GALNT10: variants seen among roughly 807,000 people sequenced by gnomAD.
The protein encoded by GALNT10 is GalNAc transferase 10.
GALNT10 carries 41 observed loss-of-function variants against 75.0 expected under a neutral mutation model. The ratio of observed to expected loss-of-function variants is 0.55; its 90% CI spans 0.43 to 0.71. The LOEUF (loss-of-function observed/expected upper bound fraction) is 0.71. GALNT10 is among the 30% of genes least tolerant of loss of function. The pLI, the probability that GALNT10 is intolerant of heterozygous loss-of-function variation, is 0.00. For missense variants in GALNT10, 727 were observed against 818.5 expected, an observed-to-expected ratio of 0.89 and a Z score of 1.36; for synonymous variants, 302 against 313.0, an observed-to-expected ratio of 0.96 and a Z score of 0.37.
intron 6 of GALNT10, among the ~76,000 whole-genome samples, chr5:154,383,988 G>A (rs1755772221): frequency 6.6e-6 from 1 of 152,160 alleles, no homozygotes; most frequent in Non-Finnish European, 1.5e-5. Flanking sequence ...GGCAGAGGGG[G>A]AAGCAAACAC....
intron 3 of GALNT10, among the ~76,000 whole-genome samples, chr5:154,302,678 T>C (rs556889019): frequency 6.6e-6 from 1 of 152,350 alleles, no homozygotes; most frequent in East Asian, 1.9e-4. Context: ...TTCCATAGTT[T>C]TAGCTTCACA....
intron 1 of GALNT10, among the ~76,000 whole-genome samples, chr5:154,270,991 CAA>C (rs5872366): frequency 1.7e-3 from 129 of 76,098 alleles, no homozygotes; most frequent in African/African-American, 3.7e-3. Flanking sequence ...GATTCCATCT[CAA>C]AAAAAAAAAA....
At chr5:154,247,363 T>C (rs6879941) in intron 1 of GALNT10, among the ~76,000 whole-genome samples, 4 of 152,182 alleles carry the variant, frequency 2.6e-5, no homozygotes, top group African/African-American at 9.7e-5. Context: ...ATTGGTAGCT[T>C]GATGGGGATG....
At chr5:154,400,620 A>G (rs1756142506) in intron 7 of GALNT10, among the ~76,000 whole-genome samples, 1 of 152,216 alleles carries the variant, frequency 6.6e-6, no homozygotes, top group African/African-American at 2.4e-5. Flanking sequence ...AGATTAGACC[A>G]GGGACATAAT....
intron 6 of GALNT10, among the ~76,000 whole-genome samples, chr5:154,383,531 G>C (rs1688018123): frequency 6.6e-6 from 1 of 152,226 alleles, no homozygotes; most frequent in Non-Finnish European, 1.5e-5. Flanking sequence ...GCAGAAACCA[G>C]AACAGGCTGG....
chr5:154,226,010 C>T (rs1753058654), intron 1 of GALNT10, among the ~76,000 whole-genome samples: 1 of 151,858 alleles, frequency 6.6e-6, no homozygotes, highest in Non-Finnish European at 1.5e-5. Flanking sequence ...GGAGGGATAG[C>T]ATTAGGAGAT....
At chr5:154,269,175 G>C (rs564970497) in intron 1 of GALNT10, among the ~76,000 whole-genome samples, 25 of 151,562 alleles carry the variant, frequency 1.6e-4, no homozygotes, top group African/African-American at 6.1e-4. Context: ...TAGTAGAGAC[G>C]GGGTTTCACC....
Position 154,409,377 on chromosome 5 carries a change from G to A in GALNT10, c.1165-164G>A. ...GTGAAGCCCTTAAAACATGCATAAT[G>A]ATAAATAGAAACACAGAAGGCCTAA... is the stretch of plus-strand genomic sequence containing the variant. On this transcript the variant is annotated intron_variant, in intron 8 of 11. Transcript: ENST00000297107. The surrounding 1 kb of genome is among the most constrained non-coding windows in gnomAD (Gnocchi z 4.5). 1.4e-6 allele frequency: 1 copy of A among 691,330 alleles called. No individual in the cohort carries two copies. Among genetic ancestry groups the A allele is most frequent in the Non-Finnish European group, 2.6e-6 (1 of 381,392 alleles). The allele number at this position is 691,330 out of a possible 1,614,324, so 42.8% of individuals were successfully genotyped here.
chr5:154,404,328 T>C (rs1291183973), intron 8 of GALNT10, 117 bp downstream of exon 8: 1 of 595,320 alleles, frequency 1.7e-6, no homozygotes, highest in Non-Finnish European at 3.0e-6. Flanking sequence ...AGGATGTGCC[T>C]CCCATTCTCC....
intron 6 of GALNT10, among the ~76,000 whole-genome samples, chr5:154,385,288 C>CG: frequency 6.6e-6 from 1 of 152,202 alleles, no homozygotes; most frequent in Non-Finnish European, 1.5e-5. Flanking sequence ...CTGGGGGACG[C>CG]TGACAGTCAG....
chr5:154,215,229 T>C lies in GALNT10; in HGVS notation c.159+24204T>C, dbSNP rs373750913. Reference sequence around the variant, plus strand: ...TGGGCGCAGTGGCTCACGCCTGTAATCCCAGCACTTTGGGAGGCTGAGGCG... The same window carrying C: ...TGGGCGCAGTGGCTCACGCCTGTAACCCCAGCACTTTGGGAGGCTGAGGCG... On this transcript the variant is annotated intron_variant, in intron 1 of 11. Coordinates refer to ENST00000297107, the MANE Select transcript of GALNT10 (RefSeq NM_198321.4). Among the ~76,000 whole-genome samples, 103 of 152,168 alleles carry C rather than the reference T, an allele frequency of 6.8e-4. 1 individual carries two copies. The South Asian group carries it at 0.021, about 31-fold the overall frequency.
At chr5:154,273,742 T>C (rs557180929) in intron 1 of GALNT10, among the ~76,000 whole-genome samples, 1 of 152,360 alleles carries the variant, frequency 6.6e-6, no homozygotes, top group Non-Finnish European at 1.5e-5. Flanking sequence ...ACTTTTATAA[T>C]TGCAAATCAA....
chr5:154,198,005 A>G (rs540461561), intron 1 of GALNT10, among the ~76,000 whole-genome samples: 41 of 152,156 alleles, frequency 2.7e-4, no homozygotes, highest in Non-Finnish European at 5.6e-4. Flanking sequence ...GCAAGCCTGG[A>G]CATCTGAGCA....
At chr5:154,328,246 T>C (rs2113115978) in intron 3 of GALNT10, among the ~76,000 whole-genome samples, 1 of 152,244 alleles carries the variant, frequency 6.6e-6, no homozygotes, top group South Asian at 2.1e-4. Flanking sequence ...TTTGATGATA[T>C]TAAGGAACAA....
intron 1 of GALNT10, among the ~76,000 whole-genome samples, chr5:154,293,703 A>G (rs887267925): frequency 1.3e-5 from 2 of 151,324 alleles, no homozygotes; most frequent in Non-Finnish European, 2.9e-5. Context: ...CTGGGCCCTC[A>G]AGACCATACA....
chr5:154,322,876 G>C (rs904213174), intron 3 of GALNT10, among the ~76,000 whole-genome samples: 3 of 152,144 alleles, frequency 2.0e-5, no homozygotes, highest in Non-Finnish European at 4.4e-5. Flanking sequence ...AAAAGAACTT[G>C]GGATATGGTA....
At chr5:154,408,170 A>C (rs1046754456) in intron 8 of GALNT10, among the ~76,000 whole-genome samples, 2 of 152,228 alleles carry the variant, frequency 1.3e-5, no homozygotes, top group African/African-American at 4.8e-5. Flanking sequence ...AGGTGAGACC[A>C]TATGGTCTGC....
chr5:154,384,536 A>G (rs1333700263), intron 6 of GALNT10, among the ~76,000 whole-genome samples: 1 of 152,230 alleles, frequency 6.6e-6, no homozygotes, highest in Non-Finnish European at 1.5e-5. Context: ...ATGTCAGTTC[A>G]TACCAGTCAC....
At chr5:154,205,234 T>C (rs79786141) in intron 1 of GALNT10, among the ~76,000 whole-genome samples, 4,993 of 152,356 alleles carry the variant, frequency 0.033, 102 homozygotes, top group Middle Eastern at 0.13. Flanking sequence ...ACCGTTTCTC[T>C]TGAGATCTTT....
Sources: allele counts gnomAD v4.1 joint callset (sites outside exome capture counted in the v4.1 genomes callset), GRCh38; gene constraint gnomAD v4.1.1; non-coding constraint Gnocchi (gnomAD v3.1); transcripts MANE v1.5; gene names NCBI Gene and HGNC (gene_info 2026-07-23, HGNC 2026-07-21).